Variants in CCBE1 observed in about 807,000 individuals in gnomAD.
CCBE1 encodes collagen and calcium binding EGF domains 1, also known as collagen and calcium-binding EGF domain-containing protein 1.
A neutral mutation model predicts 50.0 loss-of-function variants in CCBE1; 37 were observed. That is an observed-to-expected ratio of 0.74 (90% CI 0.57 to 0.97). The LOEUF (loss-of-function observed/expected upper bound fraction) is 0.97, where lower values mean the gene tolerates loss of function less well. CCBE1 is among the 50% of genes least tolerant of loss of function. The probability of loss-of-function intolerance (pLI) is 0.00; values close to 1 mark genes in which losing one functional copy is unlikely to be tolerated. For missense variants in CCBE1, 538 were observed against 523.8 expected (o/e 1.03, Z -0.26); for synonymous variants, 234 against 203.7 (o/e 1.15, Z -1.27).
At chr18:59,680,227 G>GA (rs58760246) in intron 2 of CCBE1, among the ~76,000 whole-genome samples, 103,430 of 145,410 alleles carry the variant, frequency 0.71, 36,559 homozygotes, top group East Asian at 0.98. Context: ...TTTCAAAAAA[G>GA]AAAAAAAAAA....
intron 2 of CCBE1, among the ~76,000 whole-genome samples, chr18:59,549,193 G>C (rs1316720794): frequency 1.3e-5 from 2 of 151,856 alleles, no homozygotes; most frequent in African/African-American, 4.8e-5. Context: ...ATGTGATCAA[G>C]TATAAAATAT....
intron 2 of CCBE1, among the ~76,000 whole-genome samples, chr18:59,549,898 A>G (rs1915851761): frequency 6.6e-6 from 1 of 152,206 alleles, no homozygotes; most frequent in Non-Finnish European, 1.5e-5. Flanking sequence ...CCTCCCCATC[A>G]TGCAGATAAG....
In CCBE1 at chr18:59,454,958, A is replaced by AAGG; in HGVS notation, c.554-10_554-8dup. ...TTCTCAGACTTCTCATGGCCTGAGA[A>AAGG]AGGAGATAGGCTCAGTCCTGTCTGG... On this transcript the variant is annotated splice_region_variant and splice_polypyrimidine_tract_variant and intron_variant, in intron 5 of 10. Coordinates refer to ENST00000439986, the MANE Select transcript of CCBE1 (RefSeq NM_133459.4). 1 of 1,611,964 alleles carries AAGG rather than the reference A, an allele frequency of 6.2e-7. No individual in the cohort carries two copies.
At chr18:59,458,849 GA>G (rs1911330368) in intron 5 of CCBE1, among the ~76,000 whole-genome samples, 1 of 152,208 alleles carries the variant, frequency 6.6e-6, no homozygotes, top group African/African-American at 2.4e-5. Context: ...AGAACACAGT[GA>G]ACCAAGATTA....
chr18:59,625,360 G>A (rs906292196), intron 2 of CCBE1, among the ~76,000 whole-genome samples: 1 of 150,124 alleles, frequency 6.7e-6, no homozygotes, highest in Non-Finnish European at 1.5e-5. Flanking sequence ...GAATCCGGGA[G>A]GCGGAGCTTG....
At chr18:59,447,512 T>A (rs1275123197) in intron 7 of CCBE1, among the ~76,000 whole-genome samples, 2 of 152,108 alleles carry the variant, frequency 1.3e-5, no homozygotes, top group African/African-American at 4.8e-5. Flanking sequence ...TATAGCTAGG[T>A]ATAAAAATAA....
chr18:59,608,727 G>A (rs1599058883), intron 2 of CCBE1, among the ~76,000 whole-genome samples: 2 of 152,148 alleles, frequency 1.3e-5, no homozygotes, highest in Admixed American at 1.3e-4. Context: ...TCATAATCAA[G>A]TTTCTCTTCT....
intron 2 of CCBE1, among the ~76,000 whole-genome samples, chr18:59,610,629 A>G (rs571651474): frequency 6.6e-6 from 1 of 152,222 alleles, no homozygotes; most frequent in Non-Finnish European, 1.5e-5. Flanking sequence ...CACACCTTGC[A>G]TATCTGGCCT....
intron 2 of CCBE1, among the ~76,000 whole-genome samples, chr18:59,536,299 C>A (rs1355100765): frequency 6.6e-6 from 1 of 152,142 alleles, no homozygotes; most frequent in Non-Finnish European, 1.5e-5. Flanking sequence ...GCCTGGACAG[C>A]TCATGGCAGG....
intron 2 of CCBE1, among the ~76,000 whole-genome samples, chr18:59,637,539 T>A (rs945875686): frequency 2.2e-4 from 33 of 151,830 alleles, no homozygotes; most frequent in African/African-American, 8.0e-4. Context: ...AAAGCTAAGG[T>A]GTACAAAGGA....
At chr18:59,584,619 T>C (rs2053149793) in intron 2 of CCBE1, among the ~76,000 whole-genome samples, 3 of 152,200 alleles carry the variant, frequency 2.0e-5, no homozygotes, top group African/African-American at 7.2e-5. Flanking sequence ...GGTCTTGTGA[T>C]AGAGTTCTTG....
chr18:59,607,800 C>A (rs531465116), intron 2 of CCBE1, among the ~76,000 whole-genome samples: 1 of 152,178 alleles, frequency 6.6e-6, no homozygotes, highest in Non-Finnish European at 1.5e-5. Flanking sequence ...AACGGCCAGG[C>A]GCAGTGGCTC....
At chr18:59,687,631 T>G (rs778570916) in intron 2 of CCBE1, among the ~76,000 whole-genome samples, 1 of 152,224 alleles carries the variant, frequency 6.6e-6, no homozygotes, top group Non-Finnish European at 1.5e-5. Flanking sequence ...ATGAGCTTTG[T>G]GGAACAAAAC....
At chr18:59,451,402 G>A (rs933906172) in intron 6 of CCBE1, among the ~76,000 whole-genome samples, 2 of 131,364 alleles carry the variant, frequency 1.5e-5, no homozygotes, top group Non-Finnish European at 3.1e-5. Context: ...TCTCAAATCC[G>A]ATAGTCCCTG....
chr18:59,620,717 G>A (rs1295417960), intron 2 of CCBE1, among the ~76,000 whole-genome samples: 1 of 152,158 alleles, frequency 6.6e-6, no homozygotes, highest in Non-Finnish European at 1.5e-5. Flanking sequence ...TCTCCTGCCT[G>A]ATGCCATATA....
At chr18:59,567,535 T>G (rs906024374) in intron 2 of CCBE1, among the ~76,000 whole-genome samples, 2 of 152,224 alleles carry the variant, frequency 1.3e-5, no homozygotes, top group Non-Finnish European at 2.9e-5. Context: ...AGCAAATGAT[T>G]GCAGTCATGC....
intron 2 of CCBE1, among the ~76,000 whole-genome samples, chr18:59,503,884 A>G (rs56672175): frequency 0.022 from 3,302 of 151,918 alleles, 143 homozygotes; most frequent in East Asian, 0.21. Flanking sequence ...CTTACTCTCC[A>G]CCTATGGGTA....
chr18:59,489,370 G>A (rs1598945510), intron 2 of CCBE1, among the ~76,000 whole-genome samples: 1 of 152,180 alleles, frequency 6.6e-6, no homozygotes, highest in Admixed American at 6.5e-5. Flanking sequence ...GGGCTTTGGA[G>A]ACAAGAACCC....
intron 2 of CCBE1, among the ~76,000 whole-genome samples, chr18:59,618,005 T>C (rs1375782762): frequency 6.6e-6 from 1 of 152,234 alleles, no homozygotes; most frequent in Non-Finnish European, 1.5e-5. Flanking sequence ...GTGGAATCCA[T>C]TTACCCTTTC....
Sources: allele counts gnomAD v4.1 joint callset (sites outside exome capture counted in the v4.1 genomes callset), GRCh38; gene constraint gnomAD v4.1.1; transcripts MANE v1.5; gene names NCBI Gene and HGNC (gene_info 2026-07-23, HGNC 2026-07-21).